The following ARMH3 variants were observed in gnomAD, a reference collection of about 807,000 sequenced individuals.
ARMH3 encodes the protein armadillo like helical domain containing 3.
In ARMH3, 60 loss-of-function variants were observed where a neutral mutation model predicts 99.1. The ratio of observed to expected loss-of-function variants is 0.61; its 90% CI spans 0.49 to 0.75. ARMH3 has a LOEUF of 0.75. Ranked by LOEUF, ARMH3 falls within the 30% of genes least tolerant of loss-of-function variation. ARMH3 has a pLI of 0.00. For synonymous variants in ARMH3, 285 were observed against 292.8 expected (o/e 0.97, Z 0.27); for missense variants, 679 against 843.1 (o/e 0.81, Z 2.41).
At chr10:102,017,041 AACCTCTCTGTGCCTCGGT>A (rs1234167641) in intron 8 of ARMH3, among the ~76,000 whole-genome samples, 3 of 152,278 alleles carry the variant, frequency 2.0e-5, no homozygotes, top group Middle Eastern at 3.4e-3. Flanking sequence ...TTGGGTACCC[AACCTCTCTGTGCCTCGGT>A]ACCTTTCTGG....
chr10:101,897,162 C>T (rs778558699), intron 23 of ARMH3, among the ~76,000 whole-genome samples: 1 of 152,000 alleles, frequency 6.6e-6, no homozygotes, highest in Non-Finnish European at 1.5e-5. Flanking sequence ...AGTAATAAGG[C>T]CCAAGGAAGG....
chr10:101,969,732 T>A (rs1845688235), intron 20 of ARMH3, among the ~76,000 whole-genome samples: 1 of 152,200 alleles, frequency 6.6e-6, no homozygotes, highest in South Asian at 2.1e-4. Context: ...TTCTGGGGGC[T>A]TAGGGGGCCT....
intron 19 of ARMH3, among the ~76,000 whole-genome samples, chr10:101,976,294 C>T (rs1250107796): frequency 6.7e-6 from 1 of 149,640 alleles, no homozygotes; most frequent in East Asian, 2.0e-4. Flanking sequence ...GAACCAAGAT[C>T]GGGCCACTGT....
chr10:102,023,365 C>G, intron 8 of ARMH3, 112 bp downstream of exon 8: 1 of 921,912 alleles, frequency 1.1e-6, no homozygotes, highest in South Asian at 1.8e-5. Flanking sequence ...CAAAATTAAT[C>G]AATATACCAT....
intron 23 of ARMH3, among the ~76,000 whole-genome samples, chr10:101,920,957 C>T (rs1450741473): frequency 6.6e-6 from 1 of 151,978 alleles, no homozygotes; most frequent in Non-Finnish European, 1.5e-5. Context: ...TATAGAGACT[C>T]AAAGTAGAAT....
At chr10:102,039,440 G>GC (rs374084932) in intron 2 of ARMH3, among the ~76,000 whole-genome samples, 1 of 152,198 alleles carries the variant, frequency 6.6e-6, no homozygotes, top group East Asian at 1.9e-4. Flanking sequence ...ACCGCGCCCA[G>GC]CCCCTGATAG....
intron 23 of ARMH3, among the ~76,000 whole-genome samples, chr10:101,929,634 G>A (rs960096911): frequency 2.0e-5 from 3 of 152,002 alleles, no homozygotes; most frequent in East Asian, 1.9e-4. Flanking sequence ...AGCTAATTCC[G>A]ATAAATTAAG....
At chr10:101,896,819 G>A (rs2067848838) in intron 23 of ARMH3, among the ~76,000 whole-genome samples, 1 of 152,188 alleles carries the variant, frequency 6.6e-6, no homozygotes, top group African/African-American at 2.4e-5. Context: ...AGGGCTCTGT[G>A]GTGCAATACC....
intron 20 of ARMH3, among the ~76,000 whole-genome samples, chr10:101,969,988 G>A (rs1462136081): frequency 6.6e-6 from 1 of 152,162 alleles, no homozygotes; most frequent in African/African-American, 2.4e-5. Context: ...AATATAAAAT[G>A]TCAGTATAAA....
intron 22 of ARMH3, among the ~76,000 whole-genome samples, chr10:101,953,578 G>C (rs900593956): frequency 7.1e-6 from 1 of 141,190 alleles, no homozygotes; most frequent in Non-Finnish European, 1.5e-5. Context: ...CAAAAGATTT[G>C]AGCAAATACT....
At chr10:101,858,044 G>A (rs2066776221) in intron 24 of ARMH3, among the ~76,000 whole-genome samples, 1 of 152,202 alleles carries the variant, frequency 6.6e-6, no homozygotes, top group Non-Finnish European at 1.5e-5. Flanking sequence ...ATGCTGGACA[G>A]CTTAGAAGAG....
chr10:101,995,603 C>T (rs1847019745), intron 15 of ARMH3, among the ~76,000 whole-genome samples: 1 of 152,270 alleles, frequency 6.6e-6, no homozygotes, highest in South Asian at 2.1e-4. Flanking sequence ...TTCCTGAAAG[C>T]CATCTAACTC....
At chr10:101,967,698 C>G (rs1234561966) in intron 20 of ARMH3, among the ~76,000 whole-genome samples, 1 of 152,108 alleles carries the variant, frequency 6.6e-6, no homozygotes, top group African/African-American at 2.4e-5. Flanking sequence ...GATCGCGCCA[C>G]GGCACTCCAG....
At chr10:102,020,459 G>A (rs945244218) in intron 8 of ARMH3, among the ~76,000 whole-genome samples, 1 of 151,828 alleles carries the variant, frequency 6.6e-6, no homozygotes, top group Admixed American at 6.6e-5. Flanking sequence ...GGTGGATCAC[G>A]AGGTCAGGAG....
chr10:101,854,511 C>G (rs2066685728), intron 24 of ARMH3, among the ~76,000 whole-genome samples: 1 of 152,072 alleles, frequency 6.6e-6, no homozygotes, highest in East Asian at 1.9e-4. Context: ...AAGTGGAAGA[C>G]AAGGAATACA....
intron 20 of ARMH3, among the ~76,000 whole-genome samples, chr10:101,962,193 G>A (rs1176807151): frequency 6.6e-6 from 1 of 152,148 alleles, no homozygotes; most frequent in African/African-American, 2.4e-5. Context: ...TATCCTTTTG[G>A]GTAAGGGCAA....
intron 19 of ARMH3, among the ~76,000 whole-genome samples, chr10:101,976,029 G>A (rs930612483): frequency 6.7e-6 from 1 of 149,106 alleles, no homozygotes; most frequent in South Asian, 2.1e-4. Flanking sequence ...GGTGGCGGGC[G>A]CCTGTAGTCC....
chr10:101,862,048 C>CAAAAAA (rs34359012), intron 24 of ARMH3, among the ~76,000 whole-genome samples: 1 of 36,348 alleles, frequency 2.8e-5, no homozygotes. Flanking sequence ...GATTCCCTCT[C>CAAAAAA]AAAAAAAAAA....
intron 14 of ARMH3, among the ~76,000 whole-genome samples, chr10:102,005,161 C>CA (rs1244549656): frequency 6.6e-6 from 1 of 152,118 alleles, no homozygotes; most frequent in Admixed American, 6.5e-5. Context: ...CGCACCCCTG[C>CA]ACTCCAGCCT....
Sources: gnomAD v4.1 joint callset for allele counts (sites outside exome capture counted in the v4.1 genomes callset) on GRCh38, gnomAD v4.1.1 for gene constraint, MANE v1.5 for transcripts, NCBI Gene and HGNC (gene_info 2026-07-23, HGNC 2026-07-21) for gene names.